SYTL2: variants seen among roughly 807,000 people sequenced by gnomAD.
The protein encoded by SYTL2 is synaptotagmin like 2, also known as synaptotagmin-like protein 2.
Under a neutral mutation model 198.7 loss-of-function variants are expected in SYTL2, and 165 were observed. The observed-to-expected ratio is 0.83, with a 90% confidence interval of 0.73 to 0.94. The LOEUF is 0.94. Among genes scored for constraint, SYTL2 ranks in the 40% least tolerant of loss-of-function variants. The pLI is 0.00. For synonymous variants in SYTL2, 966 were observed against 917.7 expected (o/e 1.05, Z -0.95); for missense variants, 2,835 against 2,582.8 (o/e 1.10, Z -2.12).
chr11:85,831,303 A>C, the SYTL2 span, among the ~76,000 whole-genome samples: 1 of 152,340 alleles, frequency 6.6e-6, no homozygotes, highest in East Asian at 1.9e-4. Context: ...GCACCTGCCA[A>C]CTTTGAAATG....
Position 85,757,890 on chromosome 11 carries a change from G to T in SYTL2, c.-165C>A. 1 of 863,292 alleles carries T rather than the reference G, an allele frequency of 1.2e-6. No homozygotes were observed. Among genetic ancestry groups the T allele is most frequent in the Non-Finnish European group, 1.8e-6 (1 of 568,952 alleles). The allele number at this position is 863,292 out of a possible 1,614,324, so 53.5% of individuals were successfully genotyped here. A position where few individuals can be genotyped will look rare whatever the true frequency, so the allele number is the denominator to read the frequency against. ...GGCTCAGCAAAAGTTTAGGGCAGCT[G>T]ATAGCAAGATCCTAAGTGCTCTTTC... On this transcript the variant is annotated 5_prime_UTR_variant, in exon 2 of 20. Coordinates refer to ENST00000359152, the MANE Select transcript of SYTL2 (RefSeq NM_206927.4).
At chr11:85,742,906 C>T (rs2090906059) in intron 4 of SYTL2, among the ~76,000 whole-genome samples, 1 of 152,172 alleles carries the variant, frequency 6.6e-6, no homozygotes, top group Non-Finnish European at 1.5e-5. Context: ...GCTCATAAAC[C>T]TCTCTGCTTC....
At chr11:85,731,394 C>G (rs1205269679) in intron 7 of SYTL2, among the ~76,000 whole-genome samples, 1 of 152,106 alleles carries the variant, frequency 6.6e-6, no homozygotes, top group Admixed American at 6.5e-5. Flanking sequence ...ATATATAGAC[C>G]AATGGGACAG....
chr11:85,708,266 G>A (rs553508787), intron 14 of SYTL2: 1 of 261,782 alleles, frequency 3.8e-6, no homozygotes, highest in South Asian at 3.2e-5. Context: ...GTATTTTTAA[G>A]TTTTTGTTAC....
chr11:85,805,991 A>C (rs1272295671), intron 1 of SYTL2, among the ~76,000 whole-genome samples: 3 of 152,240 alleles, frequency 2.0e-5, no homozygotes. Flanking sequence ...AACACATAGG[A>C]AAGTGGTTTT....
chr11:85,703,932 A>G (rs544835231), intron 16 of SYTL2, among the ~76,000 whole-genome samples: 1 of 152,258 alleles, frequency 6.6e-6, no homozygotes, highest in East Asian at 1.9e-4. Context: ...ATAAAGAAAA[A>G]TGAAAATAAA....
intron 7 of SYTL2, among the ~76,000 whole-genome samples, chr11:85,729,771 A>C (rs1389718133): frequency 6.6e-6 from 1 of 152,202 alleles, no homozygotes; most frequent in Non-Finnish European, 1.5e-5. Context: ...AGTGACACAA[A>C]AAACCCTTCA....
intron 7 of SYTL2, among the ~76,000 whole-genome samples, chr11:85,730,999 G>A (rs1169562540): frequency 6.6e-6 from 1 of 152,066 alleles, no homozygotes; most frequent in Non-Finnish European, 1.5e-5. Context: ...GCTACAAAGA[G>A]AACAAAATAC....
At chr11:85,814,996 C>A (rs564598722), upstream of SYTL2, among the ~76,000 whole-genome samples, 2 of 152,166 alleles carry the variant, frequency 1.3e-5, no homozygotes, top group East Asian at 3.8e-4. Context: ...GGATCTGCCA[C>A]CCCCTACTAG....
the SYTL2 span, among the ~76,000 whole-genome samples, chr11:85,848,708 T>C: frequency 3.3e-3 from 497 of 152,362 alleles, 4 homozygotes; most frequent in African/African-American, 0.011. Flanking sequence ...CAGCAATTCA[T>C]TGTTGCTAAA....
intron 1 of SYTL2, among the ~76,000 whole-genome samples, chr11:85,792,813 G>T (rs957574550): frequency 1.3e-5 from 2 of 150,586 alleles, no homozygotes; most frequent in African/African-American, 4.9e-5. Context: ...AGAGTGTGAT[G>T]ATCCCCTTCC....
the SYTL2 span, among the ~76,000 whole-genome samples, chr11:85,842,773 TG>T: frequency 2.6e-5 from 4 of 152,110 alleles, no homozygotes; most frequent in Non-Finnish European, 2.9e-5. Flanking sequence ...AACAAGGGAA[TG>T]GGTCTGTGGA....
chr11:85,833,828 T>C, the SYTL2 span, among the ~76,000 whole-genome samples: 1 of 148,878 alleles, frequency 6.7e-6, no homozygotes. Flanking sequence ...AACCTCCGCC[T>C]CTCGGGTTCA....
Position 85,744,992 on chromosome 11 carries a change from A to C in SYTL2, c.389+645T>G, listed in dbSNP as rs552599219. ...CAACATGTAGGAAAAACACCAAAAA[A>C]CCCCAAGACTATAATATTGAAGATA... is the stretch of plus-strand genomic sequence containing the variant. On this transcript the variant is annotated intron_variant, in intron 4 of 19. Coordinates refer to ENST00000359152, the MANE Select transcript of SYTL2 (RefSeq NM_206927.4). 2.0e-5 allele frequency among the ~76,000 whole-genome samples: 3 copies of C among 150,262 alleles called. No individual in the cohort carries two copies. In the South Asian group the frequency reaches 6.3e-4, roughly 32 times the overall value.
chr11:85,723,769 T>C (rs1426152747), intron 8 of SYTL2, among the ~76,000 whole-genome samples: 2 of 152,036 alleles, frequency 1.3e-5, no homozygotes, highest in Non-Finnish European at 2.9e-5. Flanking sequence ...TTAAAAAATA[T>C]AAATAATTTT....
At chr11:85,800,726 C>T (rs935037057) in intron 1 of SYTL2, among the ~76,000 whole-genome samples, 1 of 152,182 alleles carries the variant, frequency 6.6e-6, no homozygotes, top group African/African-American at 2.4e-5. Context: ...CTCCTCACTT[C>T]CTCACACACC....
intron 2 of SYTL2, among the ~76,000 whole-genome samples, chr11:85,756,864 A>C (rs2091896760): frequency 6.6e-6 from 1 of 152,208 alleles, no homozygotes; most frequent in Non-Finnish European, 1.5e-5. Context: ...CTCCTTTTGG[A>C]TAACTCCTGG....
rs781672019 is a variant in SYTL2, at chr11:85,725,150, G to T, written c.4208C>A (p.Ala1403Glu). Residue 1403 changes from alanine to glutamate, a missense_variant, in exon 8 of 20, where the codon GCA (alanine) becomes GAA (glutamate). Coordinates refer to ENST00000359152, the MANE Select transcript of SYTL2 (RefSeq NM_206927.4). ...TAGGGGGCTACATACTGGCTGTACT[G>T]CTTCAGGAAATTCTGGGTTCACTTC... ...PGEVNPEFPEAVQPVCSPLNP... is the reference protein window; with the variant it reads ...PGEVNPEFPEEVQPVCSPLNP... The T allele has an allele frequency of 6.2e-7, 1 of 1,614,052 alleles. No homozygotes were observed. Among genetic ancestry groups the T allele is most frequent in the African/African-American group, 1.3e-5 (1 of 75,048 alleles).
chr11:85,695,824 T>C (rs561749699), intron 19 of SYTL2, among the ~76,000 whole-genome samples: 1 of 152,210 alleles, frequency 6.6e-6, no homozygotes, highest in Non-Finnish European at 1.5e-5. Flanking sequence ...AAATGAAGCA[T>C]TTAATACAGT....
Sources: allele counts gnomAD v4.1 joint callset (sites outside exome capture counted in the v4.1 genomes callset), GRCh38; gene constraint gnomAD v4.1.1; transcripts MANE v1.5; gene names NCBI Gene and HGNC (gene_info 2026-07-23, HGNC 2026-07-21).